Variants in ZBTB20 observed in about 807,000 individuals in gnomAD.
ZBTB20 encodes zinc finger and BTB domain containing 20, also known as zinc finger and BTB domain-containing protein 20.
Under a neutral mutation model 56.9 loss-of-function variants are expected in ZBTB20, and 9 were observed. The observed-to-expected ratio is 0.16, with a 90% confidence interval of 0.10 to 0.28. The LOEUF is 0.28. Ranked by LOEUF, ZBTB20 falls within the 10% of genes least tolerant of loss-of-function variation. The pLI, the probability that ZBTB20 is intolerant of heterozygous loss-of-function variation, is 1.00. For missense variants in ZBTB20, 655 were observed against 1,003.0 expected, an observed-to-expected ratio of 0.65 and a Z score of 4.69; for synonymous variants, 417 against 420.7, an observed-to-expected ratio of 0.99 and a Z score of 0.11.
At chr3:114,759,409 C>G (rs748700171) in intron 5 of ZBTB20, 2 of 152,130 alleles carry the variant, frequency 1.3e-5, no homozygotes, top group African/African-American at 2.4e-5. Context: ...TGAATTACCA[C>G]GTTATGTCCA....
At chr3:114,415,778 C>T (rs1323124243) in intron 7 of ZBTB20, among the ~76,000 whole-genome samples, 4 of 152,030 alleles carry the variant, frequency 2.6e-5, no homozygotes, top group Non-Finnish European at 5.9e-5. Context: ...TAACTTAAAA[C>T]GTGGGTCTCA....
At position 114,332,066 on chromosome 3, in the gene ZBTB20, T is replaced by G. The variant is rs989600948; in HGVS notation, c.*6939A>C. ...AAACAGATGCCCCCAAGGTTTTTTT[T>G]TTTTTTTTTTTTTTTTTCTCTCTTG... On this transcript the variant is annotated 3_prime_UTR_variant, in exon 12 of 12. Coordinates refer to ENST00000675478, the MANE Select transcript of ZBTB20 (RefSeq NM_001348800.3). 14 of 148,152 alleles carry G rather than the reference T, an allele frequency of 9.4e-5. No homozygotes were observed. In the East Asian group the frequency reaches 1.8e-3, roughly 19 times the overall value. The allele number at this position is 148,152 out of a possible 1,614,324, so 9.2% of individuals were successfully genotyped here.
intron 1 of ZBTB20, among the ~76,000 whole-genome samples, chr3:115,112,789 A>G (rs1239253529): frequency 2.0e-5 from 3 of 152,130 alleles, no homozygotes; most frequent in Non-Finnish European, 4.4e-5. Context: ...CCTTTGATAT[A>G]CTGATTTCTT....
chr3:114,794,301 G>A (rs1228546971), intron 5 of ZBTB20, among the ~76,000 whole-genome samples: 1 of 151,890 alleles, frequency 6.6e-6, no homozygotes, highest in Non-Finnish European at 1.5e-5. Flanking sequence ...TATTAATTAA[G>A]GTTTGTACAT....
At chr3:114,871,820 T>C (rs2076022392) in intron 4 of ZBTB20, among the ~76,000 whole-genome samples, 1 of 152,178 alleles carries the variant, frequency 6.6e-6, no homozygotes. Flanking sequence ...CCACACTCTC[T>C]ATACCACAAC....
intron 5 of ZBTB20, among the ~76,000 whole-genome samples, chr3:114,715,005 A>AATG (rs2064364998): frequency 2.0e-5 from 3 of 152,200 alleles, no homozygotes; most frequent in Admixed American, 2.0e-4. Context: ...TTTAGGCAAC[A>AATG]ATGCATAAGG....
At chr3:114,534,327 G>A (rs1016847004) in intron 6 of ZBTB20, among the ~76,000 whole-genome samples, 2 of 152,004 alleles carry the variant, frequency 1.3e-5, no homozygotes, top group Non-Finnish European at 2.9e-5. Flanking sequence ...AAAAAATGCA[G>A]GGGTTGCAAT....
rs142251250 is a variant in ZBTB20, at chr3:115,038,769, T to C, written c.-507+32450A>G. ...TGTTAAAATTATTAAAATTTTAATA[T>C]TTTAATTCTAAAAACTATATACTAC... On this transcript the variant is annotated intron_variant, in intron 2 of 11. Coordinates refer to ENST00000675478, the MANE Select transcript of ZBTB20 (RefSeq NM_001348800.3). Among the ~76,000 whole-genome samples, 748 of 152,230 alleles carry C rather than the reference T, an allele frequency of 4.9e-3. 3 individuals carry two copies. Among genetic ancestry groups the C allele is most frequent in the Middle Eastern group, 0.014 (4 of 294 alleles).
At chr3:114,933,076 G>T (rs188780525) in intron 3 of ZBTB20, among the ~76,000 whole-genome samples, 47 of 152,182 alleles carry the variant, frequency 3.1e-4, no homozygotes, top group Admixed American at 7.2e-4. Context: ...TTGCACTGAG[G>T]CCTAAAACCC....
chr3:114,688,135 C>T (rs2062462207), intron 6 of ZBTB20: 1 of 152,064 alleles, frequency 6.6e-6, no homozygotes, highest in Non-Finnish European at 1.5e-5. Context: ...GAGGCTAAGG[C>T]ACAAGAATCA....
chr3:115,101,762 T>G (rs2083591539), intron 1 of ZBTB20, among the ~76,000 whole-genome samples: 1 of 152,194 alleles, frequency 6.6e-6, no homozygotes, highest in Non-Finnish European at 1.5e-5. Flanking sequence ...ACAATAATCC[T>G]AAGTATATGA....
chr3:114,572,275 T>G (rs1176741784), intron 6 of ZBTB20, among the ~76,000 whole-genome samples: 1 of 152,186 alleles, frequency 6.6e-6, no homozygotes, highest in Non-Finnish European at 1.5e-5. Context: ...GATATCATTA[T>G]TCCAAAGAAA....
At chr3:115,038,139 C>T (rs1256639952) in intron 2 of ZBTB20, among the ~76,000 whole-genome samples, 1 of 152,122 alleles carries the variant, frequency 6.6e-6, no homozygotes, top group Non-Finnish European at 1.5e-5. Flanking sequence ...CAATCTCAAG[C>T]CTATTCATGA....
chr3:114,917,551 A>G (rs2075792120), intron 3 of ZBTB20, among the ~76,000 whole-genome samples: 1 of 152,056 alleles, frequency 6.6e-6, no homozygotes, highest in Non-Finnish European at 1.5e-5. Context: ...TTGTGACTAA[A>G]TTTTTGGTCA....
intron 5 of ZBTB20, among the ~76,000 whole-genome samples, chr3:114,750,484 C>T (rs528302384): frequency 6.6e-6 from 1 of 152,228 alleles, no homozygotes; most frequent in Non-Finnish European, 1.5e-5. Context: ...TTGAGAAACA[C>T]TTAGGAAGAA....
intron 6 of ZBTB20, among the ~76,000 whole-genome samples, chr3:114,587,555 T>C (rs1241130362): frequency 6.6e-6 from 1 of 152,250 alleles, no homozygotes; most frequent in Non-Finnish European, 1.5e-5. Context: ...ACAATTTACA[T>C]GTGTAATTTA....
At chr3:114,596,963 T>C (rs1253922364) in intron 6 of ZBTB20, among the ~76,000 whole-genome samples, 7 of 152,166 alleles carry the variant, frequency 4.6e-5, no homozygotes, top group Admixed American at 3.9e-4. Flanking sequence ...TGTTACAGAA[T>C]AGCTTCAACA....
At position 114,753,404 on chromosome 3, in the gene ZBTB20, T is replaced by C. The variant is rs532023751; in HGVS notation, c.-343+47697A>G. ...ATACACATACATGTATGTATATATATACACACACGTATATATATATATATA... is the reference window on the plus strand; with the variant it reads ...ATACACATACATGTATGTATATATACACACACACGTATATATATATATATA... On this transcript the variant is annotated intron_variant, in intron 5 of 11. Transcript: ENST00000675478. 2.8e-4 allele frequency among the ~76,000 whole-genome samples: 39 copies of C among 137,616 alleles called. 2 individuals are homozygous for C. Among genetic ancestry groups the C allele is most frequent in the African/African-American group, 1.1e-3 (39 of 34,660 alleles). The allele number at this position is 137,616 out of a possible 152,430, so 90.3% of individuals were successfully genotyped here. A position where few individuals can be genotyped will look rare whatever the true frequency, so the allele number is the denominator to read the frequency against.
chr3:114,772,935 G>A (rs1021400446), intron 5 of ZBTB20, among the ~76,000 whole-genome samples: 1 of 152,188 alleles, frequency 6.6e-6, no homozygotes, highest in Non-Finnish European at 1.5e-5. Context: ...CATCTTAAAA[G>A]CAGAGAACTT....
Sources: gnomAD v4.1 joint callset for allele counts (sites outside exome capture counted in the v4.1 genomes callset) on GRCh38, gnomAD v4.1.1 for gene constraint, MANE v1.5 for transcripts, NCBI Gene and HGNC (gene_info 2026-07-23, HGNC 2026-07-21) for gene names.